PLA2G4C: variants seen among roughly 807,000 people sequenced by gnomAD.
The protein encoded by PLA2G4C is phospholipase A2 group IVC, also known as cytosolic phospholipase A2 gamma.
Under a neutral mutation model 73.8 loss-of-function variants are expected in PLA2G4C, and 64 were observed. The observed-to-expected ratio is 0.87, with a 90% CI of 0.71 to 1.07. The LOEUF (loss-of-function observed/expected upper bound fraction) is 1.07, where lower values mean the gene tolerates loss of function less well. PLA2G4C is among the 50% of genes least tolerant of loss of function. The probability of loss-of-function intolerance (pLI) is 0.00; values close to 1 mark genes in which losing one functional copy is unlikely to be tolerated. For missense variants in PLA2G4C, 622 were observed against 665.4 expected (o/e 0.93, Z 0.72); for synonymous variants, 254 against 252.1 (o/e 1.01, Z -0.07).
chr19:48,082,238 A>C (rs1031753806), intron 10 of PLA2G4C, among the ~76,000 whole-genome samples: 1 of 150,276 alleles, frequency 6.7e-6, no homozygotes, highest in South Asian at 2.1e-4. Context: ...AAAAAAAAAC[A>C]AAAAAATCTT....
chr19:48,054,824 T>C, intron 15 of PLA2G4C, 54 bp downstream of exon 15: 1 of 1,478,164 alleles, frequency 6.8e-7, no homozygotes, highest in African/African-American at 1.4e-5. Context: ...TTATTAGCAG[T>C]GTGAGCATGG....
At chr19:48,077,720 G>C (rs777474406) in intron 11 of PLA2G4C, 51 bp downstream of exon 11, 2 of 1,334,306 alleles carry the variant, frequency 1.5e-6, no homozygotes, top group Non-Finnish European at 1.1e-6. Context: ...CTTCAAGCCA[G>C]TGTGCAGTCC....
intron 12 of PLA2G4C, among the ~76,000 whole-genome samples, chr19:48,068,379 T>C (rs1411853385): frequency 2.0e-5 from 3 of 147,794 alleles, no homozygotes; most frequent in East Asian, 4.0e-4. Context: ...CCTAATTCAA[T>C]AGGACTGGGG....
chr19:48,091,799 G>A (rs1363537641), intron 7 of PLA2G4C, among the ~76,000 whole-genome samples: 1 of 149,452 alleles, frequency 6.7e-6, no homozygotes, highest in Non-Finnish European at 1.5e-5. Flanking sequence ...CTGAGGCAGG[G>A]GAATAACTTG....
At chr19:48,100,047 A>G (rs549605374) in intron 4 of PLA2G4C, 187 bp from the exon 5 acceptor site, 51 of 500,940 alleles carry the variant, frequency 1.0e-4, no homozygotes, top group Non-Finnish European at 1.3e-4. Flanking sequence ...AGGAGGACTC[A>G]AAATCATCTG....
chr19:48,104,842 G>A (rs1366745428), intron 3 of PLA2G4C, 118 bp from the exon 4 acceptor site: 1 of 937,824 alleles, frequency 1.1e-6, no homozygotes, highest in African/African-American at 1.7e-5. Context: ...CAGCACATTG[G>A]GAGGCCGAGG....
intron 13 of PLA2G4C, among the ~76,000 whole-genome samples, chr19:48,066,430 C>T (rs1233487425): frequency 6.6e-6 from 1 of 152,078 alleles, no homozygotes; most frequent in African/African-American, 2.4e-5. Flanking sequence ...CCATAAGACC[C>T]GGCAGCTGCA....
In PLA2G4C at chr19:48,106,458, C is replaced by A. The variant is rs380359; in HGVS notation, c.8+64G>T. ...GTCACAGCCCTCACCTCTTGACACT[C>A]ACTATGCATTCCATTACACAAATGC... On this transcript the variant is annotated intron_variant, in intron 2 of 16. Coordinates refer to ENST00000599921, the MANE Select transcript of PLA2G4C (RefSeq NM_003706.3). 3 of 1,176,470 alleles carry A rather than the reference C, an allele frequency of 2.6e-6. No individual in the cohort carries two copies. In the East Asian group the frequency reaches 7.0e-5, roughly 27 times the overall value. 72.9% of individuals were successfully genotyped at this position (1,176,470 alleles called of 1,614,324 possible).
intron 1 of PLA2G4C, chr19:48,108,644 T>G (rs1418132517): frequency 1.3e-5 from 2 of 152,188 alleles, no homozygotes; most frequent in Admixed American, 6.6e-5. Context: ...GAATGTGACT[T>G]CAGGCCAGGC....
Position 48,110,658 on chromosome 19 carries a change from C to A in PLA2G4C, c.-204G>T. ...TCCTCGGTGCCAAAGCTTCTGTGGTCCTCCTGCTTTCCTTTTCCCCCTGTG... is the reference window on the plus strand; with the variant it reads ...TCCTCGGTGCCAAAGCTTCTGTGGTACTCCTGCTTTCCTTTTCCCCCTGTG... On this transcript the variant is annotated 5_prime_UTR_variant, in exon 1 of 17. Transcript: ENST00000599921. 1 of 463,978 alleles carries A rather than the reference C, an allele frequency of 2.2e-6. No individual in the cohort carries two copies. Among genetic ancestry groups the A allele is most frequent in the East Asian group, 6.9e-5 (1 of 14,396 alleles). 28.7% of individuals were successfully genotyped at this position (463,978 alleles called of 1,614,324 possible).
At chr19:48,098,310 G>T in intron 5 of PLA2G4C, 51 bp from the exon 6 acceptor site, 1 of 1,546,842 alleles carries the variant, frequency 6.5e-7, no homozygotes, top group Non-Finnish European at 8.7e-7. Context: ...GGGTCCCACA[G>T]GGTGGAACCT....
intron 7 of PLA2G4C, among the ~76,000 whole-genome samples, chr19:48,092,103 G>A (rs1219893717): frequency 6.6e-6 from 1 of 151,428 alleles, no homozygotes; most frequent in African/African-American, 2.4e-5. Context: ...AGGCTGGAGC[G>A]CAATGGCGCG....
chr19:48,105,277 G>A (rs1479263930), intron 3 of PLA2G4C, 56 bp downstream of exon 3: 6 of 1,192,572 alleles, frequency 5.0e-6, no homozygotes, highest in Non-Finnish European at 7.4e-6. Context: ...CCTGGACACT[G>A]GGCACAGAGG....
At chr19:48,101,190 T>C (rs929227092) in intron 4 of PLA2G4C, among the ~76,000 whole-genome samples, 1 of 148,010 alleles carries the variant, frequency 6.8e-6, no homozygotes, top group Non-Finnish European at 1.5e-5. Flanking sequence ...AGTGGCATGA[T>C]CTTGGCTCAC....
At chr19:48,059,720 C>T (rs935457984) in intron 14 of PLA2G4C, among the ~76,000 whole-genome samples, 2 of 151,320 alleles carry the variant, frequency 1.3e-5, no homozygotes, top group African/African-American at 4.9e-5. Flanking sequence ...AGGGGCTCTA[C>T]GGCCTTTGGC....
chr19:48,066,055 C>A (rs961169160), intron 13 of PLA2G4C, among the ~76,000 whole-genome samples: 11 of 151,460 alleles, frequency 7.3e-5, no homozygotes, highest in African/African-American at 2.7e-4. Context: ...CCATTGCACT[C>A]CAGCCTGGGC....
In PLA2G4C at chr19:48,055,338, C is replaced by T. The variant is rs185215328; in HGVS notation, c.1258-289G>A. Among the ~76,000 whole-genome samples the T allele has an allele frequency of 7.3e-5, 11 of 149,870 alleles. No individual in the cohort carries two copies. In the East Asian group the frequency reaches 2.2e-3, roughly 29 times the overall value. On this transcript the variant is annotated intron_variant, in intron 14 of 16. Transcript: ENST00000599921. ...CAAGGAAAATGGTGCCTAGATGAGG[C>T]TTTGAATCCCAGCTCTGCCACAGAA...
At chr19:48,107,092 G>A (rs531080147) in intron 1 of PLA2G4C, among the ~76,000 whole-genome samples, 4 of 152,214 alleles carry the variant, frequency 2.6e-5, no homozygotes, top group African/African-American at 9.6e-5. Context: ...TGATCCACCC[G>A]CCTTGGCCTC....
intron 10 of PLA2G4C, among the ~76,000 whole-genome samples, chr19:48,084,081 A>T (rs1393494792): frequency 1.1e-5 from 1 of 87,392 alleles, no homozygotes; most frequent in Non-Finnish European, 2.7e-5. Context: ...TGTGTGTGTG[A>T]TGGAGTCTTG....
Sources: allele counts gnomAD v4.1 joint callset (sites outside exome capture counted in the v4.1 genomes callset), GRCh38; gene constraint gnomAD v4.1.1; transcripts MANE v1.5; gene names NCBI Gene and HGNC (gene_info 2026-07-23, HGNC 2026-07-21).